The following F13A1 variants were observed in gnomAD, a reference collection of about 807,000 sequenced individuals.
F13A1 encodes coagulation factor XIII A chain.
F13A1 carries 47 observed loss-of-function variants against 80.1 expected under a neutral mutation model. The ratio of observed to expected loss-of-function variants is 0.59; its 90% CI spans 0.46 to 0.75. F13A1 has a LOEUF of 0.75. F13A1 is among the 30% of genes least tolerant of loss of function. F13A1 has a pLI of 0.00. For missense variants in F13A1, 817 were observed against 930.4 expected (o/e 0.88, Z 1.59); for synonymous variants, 349 against 344.9 (o/e 1.01, Z -0.13).
chr6:6,275,278 C>T (rs10046233), intron 3 of F13A1, among the ~76,000 whole-genome samples: 5,557 of 151,878 alleles, frequency 0.037, 268 homozygotes, highest in African/African-American at 0.12. Context: ...AGTAGGGGGG[C>T]AGAGCCATAG....
Position 6,174,656 on chromosome 6 carries a change from G to A in F13A1, c.1671C>T (p.Asn557=), listed in dbSNP as rs770072757. 2.5e-6 allele frequency: 4 copies of A among 1,614,064 alleles called. No individual in the cohort carries two copies. Among genetic ancestry groups the A allele is most frequent in the East Asian group, 4.5e-5 (2 of 44,882 alleles). ...RYTITAYLSA[N]ITFYTGVPKA... ...TCGGGACCCCGGTGTAGAAGGTGATGTTGGCTGAGAGATAAGCTGTGATGG... is the reference window on the plus strand; with the variant it reads ...TCGGGACCCCGGTGTAGAAGGTGATATTGGCTGAGAGATAAGCTGTGATGG... Residue 557 remains asparagine, a synonymous_variant, in exon 12 of 15, where the codon AAC becomes AAT. Transcript: ENST00000264870.
intron 11 of F13A1, among the ~76,000 whole-genome samples, chr6:6,176,236 TTATC>T (rs1760881240): frequency 6.6e-6 from 1 of 152,240 alleles, no homozygotes; most frequent in African/African-American, 2.4e-5. Flanking sequence ...GTCTTCTACT[TTATC>T]TAGTTAATAA....
At position 6,201,485 on chromosome 6, in the gene F13A1, A is replaced by G. The variant is rs149321307; in HGVS notation, c.1113-4159T>C. ...CTCAGCTCCCAGACAGCCCATGAAG[A>G]GAACGAGAGGGTGCTACCTCCACAG... On this transcript the variant is annotated intron_variant, in intron 8 of 14. Coordinates refer to ENST00000264870, the MANE Select transcript of F13A1 (RefSeq NM_000129.4). 2.5e-4 allele frequency among the ~76,000 whole-genome samples: 38 copies of G among 152,308 alleles called. 1 individual carries two copies. The highest frequency in any genetic ancestry group is 6.5e-4 in the Admixed American group (10 of 15,294).
At chr6:6,217,899 T>C (rs1757126010) in intron 8 of F13A1, among the ~76,000 whole-genome samples, 3 of 152,182 alleles carry the variant, frequency 2.0e-5, no homozygotes, top group African/African-American at 4.8e-5. Context: ...GACCACCCAT[T>C]GCAGCATGGA....
intron 3 of F13A1, among the ~76,000 whole-genome samples, chr6:6,271,371 C>T (rs1272100264): frequency 6.6e-6 from 1 of 152,138 alleles, no homozygotes; most frequent in East Asian, 1.9e-4. Context: ...GACCACAATC[C>T]AGCTACCCTG....
At chr6:6,161,696 A>G (rs1019549948) in intron 13 of F13A1, among the ~76,000 whole-genome samples, 1 of 152,094 alleles carries the variant, frequency 6.6e-6, no homozygotes, top group African/African-American at 2.4e-5. Context: ...ATTAAAGTTT[A>G]ATGACTGTCT....
chr6:6,198,099 T>TC, intron 8 of F13A1, among the ~76,000 whole-genome samples: 1 of 152,260 alleles, frequency 6.6e-6, no homozygotes, highest in Admixed American at 6.5e-5. Flanking sequence ...TCTTAGACTA[T>TC]TACTGTAGAA....
At chr6:6,206,362 T>TA (rs1237493005) in intron 8 of F13A1, 6 of 418,862 alleles carry the variant, frequency 1.4e-5, no homozygotes, top group African/African-American at 1.2e-4. Flanking sequence ...ATGACTCTTG[T>TA]AGGCAAAAAT....
intron 3 of F13A1, among the ~76,000 whole-genome samples, chr6:6,278,081 C>T (rs1397168523): frequency 5.9e-5 from 9 of 152,130 alleles, no homozygotes; most frequent in Admixed American, 5.9e-4. Context: ...TTTCAATTAA[C>T]AAGTAATTGT....
At chr6:6,151,604 C>A (rs1002014297) in intron 14 of F13A1, among the ~76,000 whole-genome samples, 2 of 152,166 alleles carry the variant, frequency 1.3e-5, no homozygotes, top group Non-Finnish European at 2.9e-5. Context: ...GTATCTACAT[C>A]GTAGGGTGTC....
At chr6:6,195,713 T>C (rs1450991002) in intron 10 of F13A1, 84 bp downstream of exon 10, 1 of 1,315,320 alleles carries the variant, frequency 7.6e-7, no homozygotes, top group Admixed American at 1.9e-5. Flanking sequence ...CTGGAAAACT[T>C]AGAAACAACA....
At chr6:6,212,044 G>C (rs888877019) in intron 8 of F13A1, among the ~76,000 whole-genome samples, 1 of 152,212 alleles carries the variant, frequency 6.6e-6, no homozygotes, top group African/African-American at 2.4e-5. Flanking sequence ...ACGGAGTCTC[G>C]CTGATTGCTA....
At chr6:6,196,395 G>A (rs1322548555) in intron 9 of F13A1, among the ~76,000 whole-genome samples, 1 of 152,172 alleles carries the variant, frequency 6.6e-6, no homozygotes, top group Non-Finnish European at 1.5e-5. Context: ...CTTCTAAAAT[G>A]CTTTAAATTT....
At chr6:6,311,574 G>A (rs1583126732) in intron 2 of F13A1, among the ~76,000 whole-genome samples, 2 of 36,044 alleles carry the variant, frequency 5.5e-5, no homozygotes, top group Non-Finnish European at 1.1e-4. Flanking sequence ...TTTCCATAGT[G>A]TAAACAAACA....
At chr6:6,150,697 C>A (rs1760358803) in intron 14 of F13A1, among the ~76,000 whole-genome samples, 1 of 152,152 alleles carries the variant, frequency 6.6e-6, no homozygotes, top group Admixed American at 6.5e-5. Context: ...CCTTTCTATG[C>A]CTTAGAAGGT....
At chr6:6,151,622 A>G (rs1162745230) in intron 14 of F13A1, among the ~76,000 whole-genome samples, 191 bp downstream of exon 14, 1 of 152,178 alleles carries the variant, frequency 6.6e-6, no homozygotes, top group East Asian at 1.9e-4. Context: ...GTCTTTAAGG[A>G]TTAAATGATG....
intron 8 of F13A1, among the ~76,000 whole-genome samples, chr6:6,219,684 A>G (rs1757163672): frequency 6.6e-6 from 1 of 152,142 alleles, no homozygotes; most frequent in Non-Finnish European, 1.5e-5. Context: ...AGTCTTAGCC[A>G]TACTCTTGTT....
At chr6:6,257,537 G>T (rs528260417) in intron 4 of F13A1, among the ~76,000 whole-genome samples, 1 of 152,232 alleles carries the variant, frequency 6.6e-6, no homozygotes, top group East Asian at 1.9e-4. Flanking sequence ...GTATAAAGTA[G>T]AGTAGTTCGC....
At chr6:6,168,775 G>A (rs989561804) in intron 12 of F13A1, among the ~76,000 whole-genome samples, 19 of 152,188 alleles carry the variant, frequency 1.2e-4, no homozygotes, top group African/African-American at 4.6e-4. Flanking sequence ...AGCAGGGTGG[G>A]GTGCCTGTGG....
Sources: allele counts gnomAD v4.1 joint callset (sites outside exome capture counted in the v4.1 genomes callset), GRCh38; gene constraint gnomAD v4.1.1; transcripts MANE v1.5; gene names NCBI Gene and HGNC (gene_info 2026-07-23, HGNC 2026-07-21).